SH3YL1: variants seen among roughly 807,000 people sequenced by gnomAD.
SH3YL1 encodes SH3 domain-containing YSC84-like protein 1.
SH3YL1 carries 41 observed loss-of-function variants against 45.8 expected under a neutral mutation model. That is an observed-to-expected ratio of 0.89 (90% CI 0.70 to 1.16). The LOEUF is 1.16. SH3YL1 is among the 50% of genes most tolerant of loss of function. SH3YL1 has a pLI of 0.00. For synonymous variants in SH3YL1, 152 were observed against 151.4 expected (o/e 1.00, Z -0.03); for missense variants, 389 against 409.6 (o/e 0.95, Z 0.43).
chr2:264,818 A>G (rs1669789141), upstream of SH3YL1: 1 of 921,492 alleles, frequency 1.1e-6, no homozygotes, highest in Non-Finnish European at 1.6e-6. Context: ...ACTGGAGCCG[A>G]TTGCGCAGGC....
chr2:220,980 A>C (rs901643823), intron 9 of SH3YL1, among the ~76,000 whole-genome samples: 1 of 152,184 alleles, frequency 6.6e-6, no homozygotes, highest in Non-Finnish European at 1.5e-5. Context: ...GGACGACAAC[A>C]ATGATAACAG....
intron 1 of SH3YL1, among the ~76,000 whole-genome samples, chr2:254,486 C>T (rs1669220669): frequency 6.6e-6 from 1 of 152,214 alleles, no homozygotes; most frequent in African/African-American, 2.4e-5. Flanking sequence ...ACATGCGTGA[C>T]TGACTGCAGG....
chr2:253,117 T>G lies in SH3YL1; in HGVS notation c.2-2A>C. The G allele has an allele frequency of 6.9e-7, 1 of 1,441,356 alleles. No homozygotes were observed. The highest frequency in any genetic ancestry group is 9.5e-7 in the Non-Finnish European group (1 of 1,057,668). The allele number at this position is 1,441,356 out of a possible 1,614,324, so 89.3% of individuals were successfully genotyped here. A position where few individuals can be genotyped will look rare whatever the true frequency, so the allele number is the denominator to read the frequency against. ...AATTGGAAGGTATAGGGTTATTCAC[T>G]GAAACATAACAAAAGATATTTTAAT... On this transcript the variant is annotated splice_acceptor_variant, in intron 1 of 9. Transcript: ENST00000356150. LOFTEE classifies it high-confidence loss of function.
At chr2:257,260 T>A (rs1015076011) in intron 1 of SH3YL1, among the ~76,000 whole-genome samples, 1 of 152,192 alleles carries the variant, frequency 6.6e-6, no homozygotes, top group African/African-American at 2.4e-5. Context: ...TCAATTTTTG[T>A]TTTTGTTGTA....
In SH3YL1 at chr2:243,080, G is replaced by A. The variant is rs575204834; in HGVS notation, c.291+4458C>T. ...ATAGACAATTTAACAAAAATAGCTCGATGTGTCAATAACCCACTTTTAATA... is the reference window on the plus strand; with the variant it reads ...ATAGACAATTTAACAAAAATAGCTCAATGTGTCAATAACCCACTTTTAATA... On this transcript the variant is annotated intron_variant, in intron 4 of 9. Transcript: ENST00000356150. Among the ~76,000 whole-genome samples the A allele has an allele frequency of 1.6e-4, 24 of 152,206 alleles. No homozygotes were observed. In the South Asian group the frequency reaches 3.3e-3, roughly 21 times the overall value.
At position 253,738 on chromosome 2, in the gene SH3YL1, G is replaced by A. The variant is rs571754553; in HGVS notation, c.2-623C>T. ...ATTCCTTTACTTTCTTAATAAACTTGCTTTTACTTTATGGACTTGCCCTGA... is the reference window on the plus strand; with the variant it reads ...ATTCCTTTACTTTCTTAATAAACTTACTTTTACTTTATGGACTTGCCCTGA... On this transcript the variant is annotated intron_variant, in intron 1 of 9. Transcript: ENST00000356150. Among the ~76,000 whole-genome samples the A allele has an allele frequency of 8.5e-5, 13 of 152,202 alleles. No individual in the cohort carries two copies. In the South Asian group the frequency reaches 2.5e-3, roughly 29 times the overall value.
intron 4 of SH3YL1, among the ~76,000 whole-genome samples, chr2:246,706 G>A (rs907796089): frequency 1.3e-5 from 2 of 152,098 alleles, no homozygotes; most frequent in African/African-American, 2.4e-5. Flanking sequence ...CTTTGATTTG[G>A]TTGCACATGG....
intron 2 of SH3YL1, 88 bp from the exon 3 acceptor site, chr2:249,932 C>T: frequency 1.1e-6 from 1 of 902,476 alleles, no homozygotes; most frequent in East Asian, 2.7e-5. Flanking sequence ...TCAGTGTACA[C>T]AGAGGTTATC....
intron 4 of SH3YL1, among the ~76,000 whole-genome samples, chr2:237,757 T>C (rs1668367736): frequency 6.6e-6 from 1 of 152,126 alleles, no homozygotes; most frequent in Non-Finnish European, 1.5e-5. Flanking sequence ...ATTTGATCTT[T>C]ACAAATTGTA....
chr2:264,194 G>A, upstream of SH3YL1: 1 of 588,898 alleles, frequency 1.7e-6, no homozygotes, highest in Non-Finnish European at 2.7e-6. Context: ...CAGGGACTTC[G>A]GAACCGCCCC....
chr2:227,889 A>ATGTGTG (rs3070147), intron 8 of SH3YL1, among the ~76,000 whole-genome samples: 4 of 150,692 alleles, frequency 2.7e-5, no homozygotes, highest in Admixed American at 6.6e-5. Context: ...CCATAAAATT[A>ATGTGTG]TGTGTGTGTG....
chr2:242,753 C>T (rs1668599056), intron 4 of SH3YL1: 1 of 1,490,168 alleles, frequency 6.7e-7, no homozygotes, highest in Non-Finnish European at 8.9e-7. Flanking sequence ...ACAACAACAT[C>T]CAATTATATG....
chr2:240,501 C>T (rs1572161168), intron 4 of SH3YL1: 1 of 152,138 alleles, frequency 6.6e-6, no homozygotes, highest in African/African-American at 2.4e-5. Context: ...TCCATGACAG[C>T]AACAAGCTAA....
chr2:264,011 T>G lies in SH3YL1; in HGVS notation c.-27A>C, dbSNP rs1018637278. On this transcript the variant is annotated 5_prime_UTR_variant, in exon 1 of 10. Coordinates refer to ENST00000356150, the MANE Select transcript of SH3YL1 (RefSeq NM_015677.4). ...CTGCCCGCCCGGCCGCGGCGCCCCG[T>G]CCCGAGGCTGCCCAGGAAGAGGAAG... The G allele has an allele frequency of 1.5e-5, 22 of 1,439,456 alleles. No individual in the cohort carries two copies. The African/African-American group carries it at 3.3e-4, about 21-fold the overall frequency. The allele number at this position is 1,439,456 out of a possible 1,614,324, so 89.2% of individuals were successfully genotyped here. A position where few individuals can be genotyped will look rare whatever the true frequency, so the allele number is the denominator to read the frequency against.
chr2:264,392 C>T (rs1193704098), upstream of SH3YL1: 1 of 211,114 alleles, frequency 4.7e-6, no homozygotes, highest in East Asian at 1.1e-4. Context: ...CACCACAGCC[C>T]GCCACGTGCG....
upstream of SH3YL1, chr2:264,762 C>T: frequency 5.3e-6 from 3 of 562,682 alleles, no homozygotes; most frequent in Middle Eastern, 4.8e-4. Flanking sequence ...CCCGCGGACC[C>T]TCCCCGCCCG....
intron 4 of SH3YL1, chr2:243,567 T>TAAA (rs11383620): frequency 7.7e-5 from 105 of 1,361,652 alleles, no homozygotes; most frequent in South Asian, 2.8e-4. Context: ...ATGTGTCTAT[T>TAAA]AAAAAAAAAA....
At chr2:249,693 T>G in intron 3 of SH3YL1, 38 bp downstream of exon 3, 1 of 1,401,148 alleles carries the variant, frequency 7.1e-7, no homozygotes, top group Non-Finnish European at 9.9e-7. Context: ...GAACAAAGAA[T>G]GAAGACTCTC....
At chr2:249,653 C>T in intron 3 of SH3YL1, 78 bp downstream of exon 3, 2 of 1,050,642 alleles carry the variant, frequency 1.9e-6, no homozygotes, top group East Asian at 2.6e-5. Flanking sequence ...GTCCTACTCG[C>T]TATGCAATGT....
Sources: gnomAD v4.1 joint callset for allele counts (sites outside exome capture counted in the v4.1 genomes callset) on GRCh38, gnomAD v4.1.1 for gene constraint, MANE v1.5 for transcripts, NCBI Gene and HGNC (gene_info 2026-07-23, HGNC 2026-07-21) for gene names.